The following PDS5A variants were observed in gnomAD, a reference collection of about 807,000 sequenced individuals.
PDS5A encodes the protein sister chromatid cohesion protein PDS5 homolog A.
PDS5A carries 42 observed loss-of-function variants against 167.1 expected under a neutral mutation model. The ratio of observed to expected loss-of-function variants is 0.25; its 90% CI spans 0.20 to 0.33. The LOEUF is 0.33. Among genes scored for constraint, PDS5A ranks in the 10% least tolerant of loss-of-function variants. The pLI, the probability that PDS5A is intolerant of heterozygous loss-of-function variation, is 1.00. For missense variants in PDS5A, 1,033 were observed against 1,605.9 expected, an observed-to-expected ratio of 0.64 and a Z score of 6.10; for synonymous variants, 553 against 554.6, an observed-to-expected ratio of 1.00 and a Z score of 0.04.
At chr4:39,925,701 C>T in intron 5 of PDS5A, 135 bp downstream of exon 5, 1 of 366,614 alleles carries the variant, frequency 2.7e-6, no homozygotes, top group East Asian at 4.4e-5. Context: ...TTTTACTTTC[C>T]CCTTTATGTT....
At chr4:39,855,080 C>T (rs1718428647) in intron 26 of PDS5A, among the ~76,000 whole-genome samples, 1 of 152,022 alleles carries the variant, frequency 6.6e-6, no homozygotes. Flanking sequence ...TCAATTGCAA[C>T]AACAAAACAA....
At chr4:39,889,556 A>G (rs749848035) in intron 17 of PDS5A, among the ~76,000 whole-genome samples, 3 of 152,252 alleles carry the variant, frequency 2.0e-5, no homozygotes, top group Non-Finnish European at 4.4e-5. Flanking sequence ...AAAGATATAT[A>G]GCTTATCTAC....
At chr4:39,883,244 G>A (rs1157720397) in intron 17 of PDS5A, among the ~76,000 whole-genome samples, 1 of 151,938 alleles carries the variant, frequency 6.6e-6, no homozygotes, top group Non-Finnish European at 1.5e-5. Flanking sequence ...GCAATGGTGC[G>A]ACCTCAGCTC....
At chr4:39,828,332 A>G (rs1715498884) in intron 32 of PDS5A, among the ~76,000 whole-genome samples, 1 of 152,226 alleles carries the variant, frequency 6.6e-6, no homozygotes, top group Non-Finnish European at 1.5e-5. Context: ...AGGCCAGGAG[A>G]ATTTTGCATA....
intron 2 of PDS5A, among the ~76,000 whole-genome samples, chr4:39,948,799 A>T (rs2109782351): frequency 6.6e-6 from 1 of 150,840 alleles, no homozygotes; most frequent in East Asian, 2.0e-4. Flanking sequence ...TAATTTTTCT[A>T]TTTTTAGTTG....
intron 32 of PDS5A, among the ~76,000 whole-genome samples, chr4:39,836,127 G>C (rs967318505): frequency 1.6e-4 from 24 of 152,178 alleles, no homozygotes; most frequent in Admixed American, 5.9e-4. Context: ...TATATTTACT[G>C]ATCCATTTAA....
At chr4:39,885,519 G>A (rs1280683858) in intron 17 of PDS5A, among the ~76,000 whole-genome samples, 1 of 151,968 alleles carries the variant, frequency 6.6e-6, no homozygotes, top group African/African-American at 2.4e-5. Context: ...GTCTGAGATC[G>A]TTTGAGCCTA....
chr4:39,896,827 A>G (rs1266034046), intron 16 of PDS5A, among the ~76,000 whole-genome samples: 1 of 151,790 alleles, frequency 6.6e-6, no homozygotes, highest in Non-Finnish European at 1.5e-5. Context: ...AACCACATAC[A>G]ATAGCCTAGG....
At chr4:39,973,284 T>C (rs1313576113) in intron 2 of PDS5A, 1 of 1,603,502 alleles carries the variant, frequency 6.2e-7, no homozygotes, top group East Asian at 2.2e-5. Context: ...GAGGGGCAGA[T>C]GCCAACATGG....
chr4:39,942,985 C>T (rs1727362134), intron 2 of PDS5A, among the ~76,000 whole-genome samples: 1 of 151,986 alleles, frequency 6.6e-6, no homozygotes, highest in Non-Finnish European at 1.5e-5. Context: ...GCCCTACACA[C>T]TAAGACATAT....
chr4:39,838,082 G>A lies in PDS5A; in HGVS notation c.3784C>T (p.Pro1262Ser). Residue 1262 changes from proline to serine, a missense_variant, in exon 32 of 33, where the codon CCT becomes TCT. By Grantham distance (74) the Pro-to-Ser change is moderately conservative (BLOSUM62 -1). This residue lies in a region of PDS5A where 233 missense variants were observed against 264.0 expected (regional missense o/e 0.88). Coordinates refer to ENST00000303538, the MANE Select transcript of PDS5A (RefSeq NM_001100399.2). ...KTDEKVDESG[P>S]PAPSKPRRGR... ...CTCCTGGGTTTGGAAGGGGCGGGAG[G>A]TCCCGATTCATCTACTTTCTCATCT... 1 of 1,613,896 alleles carries A rather than the reference G, an allele frequency of 6.2e-7. No homozygotes were observed. The highest frequency in any genetic ancestry group is 8.5e-7 in the Non-Finnish European group (1 of 1,179,836).
chr4:39,892,431 A>G (rs1722056493), intron 16 of PDS5A, among the ~76,000 whole-genome samples: 1 of 152,244 alleles, frequency 6.6e-6, no homozygotes, highest in Non-Finnish European at 1.5e-5. Flanking sequence ...AGCCAAACTG[A>G]AAATATAGCA....
chr4:39,859,213 AT>A (rs1718780962), intron 26 of PDS5A, among the ~76,000 whole-genome samples: 1 of 152,174 alleles, frequency 6.6e-6, no homozygotes. Flanking sequence ...TAACAAAAAA[AT>A]TGTTTCTGAC....
intron 31 of PDS5A, among the ~76,000 whole-genome samples, chr4:39,839,248 A>T (rs901782236): frequency 6.6e-6 from 1 of 152,044 alleles, no homozygotes; most frequent in Non-Finnish European, 1.5e-5. Flanking sequence ...ACCAAGCAGA[A>T]AGAGTTTAGA....
chr4:39,913,460 CAATT>C, intron 9 of PDS5A, 147 bp downstream of exon 9: 1 of 554,376 alleles, frequency 1.8e-6, no homozygotes, highest in Non-Finnish European at 3.2e-6. Context: ...ATTTTTCATA[CAATT>C]TATTCCATAA....
chr4:39,870,081 G>A (rs1719893041), intron 21 of PDS5A, among the ~76,000 whole-genome samples: 1 of 151,912 alleles, frequency 6.6e-6, no homozygotes, highest in Admixed American at 6.6e-5. Flanking sequence ...CTCACTCCAG[G>A]CTGGGCTACA....
At chr4:39,969,915 G>A (rs1730338734) in intron 2 of PDS5A, among the ~76,000 whole-genome samples, 1 of 151,130 alleles carries the variant, frequency 6.6e-6, no homozygotes, top group Non-Finnish European at 1.5e-5. Context: ...ATAAATGTAT[G>A]GATAAATGTA....
intron 2 of PDS5A, among the ~76,000 whole-genome samples, chr4:39,965,002 G>A (rs1729844117): frequency 6.6e-6 from 1 of 152,112 alleles, no homozygotes; most frequent in African/African-American, 2.4e-5. Context: ...AGCATACTTT[G>A]ACTTGTCACA....
At chr4:39,968,377 C>A (rs1033907014) in intron 2 of PDS5A, among the ~76,000 whole-genome samples, 2 of 145,730 alleles carry the variant, frequency 1.4e-5, no homozygotes, top group African/African-American at 5.0e-5. Flanking sequence ...TGGAGTTTCG[C>A]TCTTGTTGCC....
Sources: gnomAD v4.1 joint callset for allele counts (sites outside exome capture counted in the v4.1 genomes callset) on GRCh38, gnomAD v4.1.1 for gene constraint, gnomAD v4.1.1 regional missense constraint, MANE v1.5 for transcripts, NCBI Gene and HGNC (gene_info 2026-07-23, HGNC 2026-07-21) for gene names.